The following ASIC2 variants were observed in gnomAD, a reference collection of about 807,000 sequenced individuals.
ASIC2 encodes acid sensing ion channel subunit 2.
ASIC2 carries 25 observed loss-of-function variants against 57.3 expected under a neutral mutation model. The ratio of observed to expected loss-of-function variants is 0.44; its 90% confidence interval spans 0.32 to 0.61. The LOEUF (loss-of-function observed/expected upper bound fraction) is 0.61. ASIC2 is among the 20% of genes least tolerant of loss of function. The pLI is 0.06. For missense variants in ASIC2, 641 were observed against 738.1 expected (o/e 0.87, Z 1.52); for synonymous variants, 319 against 307.5 (o/e 1.04, Z -0.39).
intron 1 of ASIC2, among the ~76,000 whole-genome samples, chr17:33,825,388 C>A (rs969822374): frequency 3.9e-5 from 6 of 152,124 alleles, no homozygotes; most frequent in African/African-American, 1.4e-4. Context: ...GGGGAGACAT[C>A]TGGGATCCCC....
intron 1 of ASIC2, among the ~76,000 whole-genome samples, chr17:33,337,627 C>T (rs747844415): frequency 1.1e-4 from 16 of 152,206 alleles, no homozygotes; most frequent in Non-Finnish European, 2.4e-4. Flanking sequence ...GCCACTGGCA[C>T]TGTGCTAGGC....
chr17:33,600,870 G>A (rs1335859989), intron 1 of ASIC2, among the ~76,000 whole-genome samples: 2 of 152,192 alleles, frequency 1.3e-5, no homozygotes, highest in Non-Finnish European at 2.9e-5. Flanking sequence ...AGACAGAAAT[G>A]AGGAAGAAGA....
At chr17:33,520,598 T>G (rs1447902091) in intron 1 of ASIC2, among the ~76,000 whole-genome samples, 1 of 152,130 alleles carries the variant, frequency 6.6e-6, no homozygotes. Flanking sequence ...GAGGGACAGT[T>G]TGGAGAGAGA....
chr17:33,541,005 C>A (rs1045508253), intron 1 of ASIC2, among the ~76,000 whole-genome samples: 1 of 152,058 alleles, frequency 6.6e-6, no homozygotes, highest in Admixed American at 6.5e-5. Context: ...TCATTACATT[C>A]GCCCAGACTC....
At chr17:33,430,749 GT>G (rs1366285347) in intron 1 of ASIC2, among the ~76,000 whole-genome samples, 2 of 152,196 alleles carry the variant, frequency 1.3e-5, no homozygotes, top group Admixed American at 6.5e-5. Flanking sequence ...ATAGTTGGCA[GT>G]TCAAATAAAA....
chr17:33,024,394 G>A (rs1401654233), intron 5 of ASIC2, among the ~76,000 whole-genome samples: 1 of 152,116 alleles, frequency 6.6e-6, no homozygotes, highest in Non-Finnish European at 1.5e-5. Context: ...CTGAAACCCA[G>A]GGCTCTGTGC....
chr17:33,396,242 C>T (rs1401509741), intron 1 of ASIC2, among the ~76,000 whole-genome samples: 3 of 152,196 alleles, frequency 2.0e-5, no homozygotes, highest in African/African-American at 7.2e-5. Context: ...TCCAAGTTCT[C>T]ATTGCAGCAT....
intron 1 of ASIC2, among the ~76,000 whole-genome samples, chr17:33,409,196 C>T (rs1567851611): frequency 6.6e-6 from 1 of 152,126 alleles, no homozygotes; most frequent in Admixed American, 6.5e-5. Context: ...GCCTGGGTGA[C>T]AGAGTGAGAC....
intron 1 of ASIC2, among the ~76,000 whole-genome samples, chr17:33,634,193 C>T (rs1302973826): frequency 1.3e-5 from 2 of 152,242 alleles, no homozygotes; most frequent in Non-Finnish European, 2.9e-5. Context: ...CCTGAATATA[C>T]TGCCCACATT....
At chr17:33,807,086 A>G (rs1037556645) in intron 1 of ASIC2, among the ~76,000 whole-genome samples, 1 of 152,054 alleles carries the variant, frequency 6.6e-6, no homozygotes, top group Non-Finnish European at 1.5e-5. Flanking sequence ...CACAGACAGC[A>G]TCTTCCCCTA....
chr17:33,768,599 AGGGGCAGG>A, intron 1 of ASIC2, among the ~76,000 whole-genome samples: 6 of 152,214 alleles, frequency 3.9e-5, no homozygotes. Context: ...CTAGGCAGAC[AGGGGCAGG>A]TCCCCAGTGA....
chr17:33,760,090 T>C (rs139982895), intron 1 of ASIC2, among the ~76,000 whole-genome samples: 262 of 152,262 alleles, frequency 1.7e-3, no homozygotes, highest in African/African-American at 6.1e-3. Context: ...ACTAAGATAC[T>C]GTCTCACCAG....
chr17:33,308,453 T>C (rs1906272228), intron 1 of ASIC2, among the ~76,000 whole-genome samples: 1 of 152,210 alleles, frequency 6.6e-6, no homozygotes, highest in Non-Finnish European at 1.5e-5. Flanking sequence ...TTGGACTTCA[T>C]GGTGGAATCA....
intron 1 of ASIC2, among the ~76,000 whole-genome samples, chr17:33,349,680 A>T (rs1002930497): frequency 1.3e-5 from 2 of 152,212 alleles, no homozygotes; most frequent in Non-Finnish European, 2.9e-5. Context: ...AAATATTGAC[A>T]TATTTAATTC....
At chr17:33,691,545 G>T (rs1021241440) in intron 1 of ASIC2, among the ~76,000 whole-genome samples, 9 of 152,014 alleles carry the variant, frequency 5.9e-5, no homozygotes, top group African/African-American at 1.7e-4. Context: ...TATTTCCTTT[G>T]CCCATTTTTG....
chr17:33,904,136 C>A (rs933630287), intron 1 of ASIC2, among the ~76,000 whole-genome samples: 63 of 116,086 alleles, frequency 5.4e-4, no homozygotes, highest in African/African-American at 2.1e-3. Flanking sequence ...GTACTCCAGC[C>A]TGGGCAACAA....
intron 1 of ASIC2, among the ~76,000 whole-genome samples, chr17:33,479,799 C>T (rs1913343993): frequency 1.3e-5 from 2 of 152,178 alleles, no homozygotes; most frequent in Non-Finnish European, 2.9e-5. Flanking sequence ...CTGAGCAAGG[C>T]CCTGTGCCCC....
intron 1 of ASIC2, among the ~76,000 whole-genome samples, chr17:34,090,305 A>G (rs1038452982): frequency 5.9e-5 from 9 of 152,222 alleles, no homozygotes; most frequent in Non-Finnish European, 1.3e-4. Flanking sequence ...GAACAAGTTG[A>G]GAAGCACAGT....
At chr17:34,115,542 G>A (rs1038402598) in intron 1 of ASIC2, among the ~76,000 whole-genome samples, 10 of 152,132 alleles carry the variant, frequency 6.6e-5, no homozygotes, top group African/African-American at 1.9e-4. Context: ...TTAATTGATG[G>A]CTTTAATTGT....
Sources: gnomAD v4.1 joint callset for allele counts (sites outside exome capture counted in the v4.1 genomes callset) on GRCh38, gnomAD v4.1.1 for gene constraint, MANE v1.5 for transcripts, NCBI Gene and HGNC (gene_info 2026-07-23, HGNC 2026-07-21) for gene names.